UGT1A8: variants seen among roughly 807,000 people sequenced by gnomAD.
UGT1A8 encodes the protein UDP glucuronosyltransferase family 1 member A8.
A neutral mutation model predicts 45.3 loss-of-function variants in UGT1A8; 39 were observed. The ratio of observed to expected loss-of-function variants is 0.86; its 90% CI spans 0.67 to 1.12. UGT1A8 has a LOEUF of 1.12. Among genes scored for constraint, UGT1A8 ranks in the 50% most tolerant of loss-of-function variants. The pLI is 0.00. For synonymous variants in UGT1A8, 275 were observed against 249.2 expected, an observed-to-expected ratio of 1.10 and a Z score of -0.97; for missense variants, 719 against 664.9, an observed-to-expected ratio of 1.08 and a Z score of -0.90.
intron 1 of UGT1A8, chr2:233,729,601 G>C: frequency 3.1e-6 from 5 of 1,614,032 alleles, no homozygotes; most frequent in Non-Finnish European, 4.2e-6. Context: ...CCTCTGCGCG[G>C]CAGTGCTGGC....
chr2:233,676,793 T>G (rs933998892), intron 1 of UGT1A8, among the ~76,000 whole-genome samples: 2 of 152,226 alleles, frequency 1.3e-5, no homozygotes, highest in African/African-American at 4.8e-5. Flanking sequence ...GGTCTTTTCT[T>G]GTTTTCTTGC....
At chr2:233,763,966 T>C (rs189385598) in intron 1 of UGT1A8, among the ~76,000 whole-genome samples, 68 of 152,296 alleles carry the variant, frequency 4.5e-4, no homozygotes, top group Admixed American at 7.2e-4. Flanking sequence ...GGTTGAGATA[T>C]ATGTGGGTTA....
intron 1 of UGT1A8, among the ~76,000 whole-genome samples, chr2:233,665,903 C>A (rs973283387): frequency 6.6e-6 from 1 of 152,202 alleles, no homozygotes; most frequent in Non-Finnish European, 1.5e-5. Context: ...CTCCCACCAC[C>A]TGCATATGAG....
At chr2:233,652,502 G>A (rs1181508199) in intron 1 of UGT1A8, among the ~76,000 whole-genome samples, 1 of 152,070 alleles carries the variant, frequency 6.6e-6, no homozygotes, top group African/African-American at 2.4e-5. Flanking sequence ...AGGAAAAAAG[G>A]AAAATTTGTT....
intron 1 of UGT1A8, among the ~76,000 whole-genome samples, chr2:233,763,435 T>G (rs1698313873): frequency 6.6e-6 from 1 of 152,248 alleles, no homozygotes; most frequent in African/African-American, 2.4e-5. Flanking sequence ...GTTGCTTTAA[T>G]AAGTGCATTT....
intron 1 of UGT1A8, among the ~76,000 whole-genome samples, chr2:233,758,117 T>C (rs1223094258): frequency 1.3e-5 from 2 of 152,208 alleles, no homozygotes; most frequent in African/African-American, 4.8e-5. Context: ...GCTCACACGT[T>C]CCATAAATAT....
intron 1 of UGT1A8, among the ~76,000 whole-genome samples, chr2:233,650,512 A>G (rs1408482314): frequency 6.6e-6 from 1 of 152,232 alleles, no homozygotes; most frequent in African/African-American, 2.4e-5. Flanking sequence ...GCAAATTGGT[A>G]TGGATGGTCT....
At chr2:233,759,226 A>C (rs1435521106) in intron 1 of UGT1A8, among the ~76,000 whole-genome samples, 2 of 152,174 alleles carry the variant, frequency 1.3e-5, no homozygotes, top group African/African-American at 4.8e-5. Flanking sequence ...TATGCAAATG[A>C]AGGATGGAAA....
At chr2:233,658,670 C>T (rs1416219934) in intron 1 of UGT1A8, among the ~76,000 whole-genome samples, 1 of 152,144 alleles carries the variant, frequency 6.6e-6, no homozygotes, top group Non-Finnish European at 1.5e-5. Flanking sequence ...GAAGTAAGAC[C>T]ACAAAGGTAA....
At chr2:233,743,741 G>A (rs374389189) in intron 1 of UGT1A8, 31 of 1,367,230 alleles carry the variant, frequency 2.3e-5, no homozygotes, top group Admixed American at 3.8e-5. Flanking sequence ...GCGTTTCTTG[G>A]CGTCCGACAA....
At position 233,767,889 on chromosome 2, in the gene UGT1A8, C is replaced by A; in HGVS notation, c.1028C>A (p.Ala343Glu). The A allele has an allele frequency of 2.5e-6, 4 of 1,614,136 alleles. No individual in the cohort carries two copies. Among genetic ancestry groups the A allele is most frequent in the Non-Finnish European group, 3.4e-6 (4 of 1,180,034 alleles). ...ACTGGAACCCGACCATCGAATCTTG[C>A]GAACAACACGATACTTGTTAAGTGG... ...RYTGTRPSNLANNTILVKWLP... is the reference protein window; with the variant it reads ...RYTGTRPSNLENNTILVKWLP... Residue 343 changes from alanine (A) to glutamate (E), a missense_variant, in exon 3 of 5, where the codon GCG becomes GAG. Physicochemically the swap from Ala to Glu is moderately radical, Grantham distance 107. Transcript: ENST00000373450.
At chr2:233,652,956 A>G (rs1353410017) in intron 1 of UGT1A8, among the ~76,000 whole-genome samples, 1 of 152,230 alleles carries the variant, frequency 6.6e-6, no homozygotes, top group African/African-American at 2.4e-5. Flanking sequence ...AACAACAACA[A>G]AAAACACAGA....
At chr2:233,619,538 G>A (rs922996766) in intron 1 of UGT1A8, among the ~76,000 whole-genome samples, 1 of 152,070 alleles carries the variant, frequency 6.6e-6, no homozygotes, top group African/African-American at 2.4e-5. Flanking sequence ...TCCTGTTCAG[G>A]AATATGTGTG....
chr2:233,665,253 A>G (rs546074121), intron 1 of UGT1A8, among the ~76,000 whole-genome samples: 4 of 152,360 alleles, frequency 2.6e-5, no homozygotes, highest in African/African-American at 9.6e-5. Flanking sequence ...GATTTAATGT[A>G]GTTTTTTCAA....
chr2:233,753,553 C>A (rs768975399), intron 1 of UGT1A8: 9 of 152,144 alleles, frequency 5.9e-5, no homozygotes, highest in Non-Finnish European at 1.3e-4. Context: ...TCAGAGGTGA[C>A]CCTAGAAGAT....
At chr2:233,647,795 G>A (rs1296636364) in intron 1 of UGT1A8, 1 of 695,268 alleles carries the variant, frequency 1.4e-6, no homozygotes, top group Non-Finnish European at 2.3e-6. Flanking sequence ...AGTCTGGGTA[G>A]AGATTTATCA....
intron 1 of UGT1A8, among the ~76,000 whole-genome samples, chr2:233,655,348 G>A (rs758887028): frequency 1.3e-5 from 2 of 152,136 alleles, no homozygotes; most frequent in Non-Finnish European, 2.9e-5. Context: ...GTTTAACACT[G>A]GAAGTCTCAC....
intron 1 of UGT1A8, among the ~76,000 whole-genome samples, chr2:233,627,997 T>A (rs1034342835): frequency 1.3e-5 from 2 of 152,054 alleles, no homozygotes; most frequent in African/African-American, 4.8e-5. Context: ...ATAAATGTTA[T>A]ATCACATGCA....
At chr2:233,768,085 C>T (rs1699559246) in intron 3 of UGT1A8, 135 bp from the exon 4 acceptor site, 1 of 1,591,380 alleles carries the variant, frequency 6.3e-7, no homozygotes, top group East Asian at 2.2e-5. Context: ...TATCTCAACC[C>T]ACATTTTCTT....
Sources: allele counts gnomAD v4.1 joint callset (sites outside exome capture counted in the v4.1 genomes callset), GRCh38; gene constraint gnomAD v4.1.1; transcripts MANE v1.5; gene names NCBI Gene and HGNC (gene_info 2026-07-23, HGNC 2026-07-21).